EFR3B: variants seen among roughly 807,000 people sequenced by gnomAD.
EFR3B encodes EFR3 homolog B, also known as protein EFR3 homolog B.
Under a neutral mutation model 104.7 loss-of-function variants are expected in EFR3B, and 64 were observed. The ratio of observed to expected loss-of-function variants is 0.61; its 90% CI spans 0.50 to 0.75. EFR3B has a LOEUF of 0.75. Ranked by LOEUF, EFR3B falls within the 30% of genes least tolerant of loss-of-function variation. EFR3B has a pLI of 0.00. For synonymous variants in EFR3B, 385 were observed against 417.9 expected (o/e 0.92, Z 0.96); for missense variants, 750 against 1,078.5 (o/e 0.70, Z 4.27).
intron 1 of EFR3B, among the ~76,000 whole-genome samples, chr2:25,049,119 T>C (rs2149163066): frequency 6.6e-6 from 1 of 152,396 alleles, no homozygotes; most frequent in South Asian, 2.1e-4. Flanking sequence ...ATTATACTCC[T>C]ACTAGCAGTT....
At chr2:25,145,316 G>C (rs951876221) in intron 19 of EFR3B, 1 of 530,912 alleles carries the variant, frequency 1.9e-6, no homozygotes, top group African/African-American at 1.9e-5. Context: ...TCACACCTGT[G>C]ATCCCAACAT....
intron 20 of EFR3B, among the ~76,000 whole-genome samples, chr2:25,151,378 C>T (rs1033816703): frequency 1.7e-4 from 26 of 152,124 alleles, no homozygotes; most frequent in Admixed American, 1.2e-3. Flanking sequence ...GCCTCAGCCT[C>T]CCAAGTAACT....
intron 1 of EFR3B, among the ~76,000 whole-genome samples, chr2:25,053,421 C>T (rs1667934638): frequency 6.6e-6 from 1 of 152,100 alleles, no homozygotes; most frequent in Non-Finnish European, 1.5e-5. Flanking sequence ...ATGGGCATGC[C>T]TTTCAGAGAC....
At chr2:25,128,120 A>T in intron 5 of EFR3B, 63 bp from the exon 6 acceptor site, 1 of 1,537,556 alleles carries the variant, frequency 6.5e-7, no homozygotes. Flanking sequence ...TCTCTTAGCC[A>T]CCGAAGCTGG....
intron 15 of EFR3B, among the ~76,000 whole-genome samples, 153 bp from the exon 16 acceptor site, chr2:25,138,906 T>C (rs1009061646): frequency 2.2e-4 from 34 of 152,166 alleles, no homozygotes; most frequent in African/African-American, 6.5e-4. Context: ...GTGACTTTTT[T>C]CCCCCAGGAA....
At position 25,131,586 on chromosome 2, in the gene EFR3B, G is replaced by A; in HGVS notation, c.985+83G>A. 6.6e-7 allele frequency: 1 copy of A among 1,521,394 alleles called. No homozygotes were observed. Among genetic ancestry groups the A allele is most frequent in the Non-Finnish European group, 8.9e-7 (1 of 1,129,570 alleles). 94.2% of individuals were successfully genotyped at this position (1,521,394 alleles called of 1,614,324 possible). A position where few individuals can be genotyped will look rare whatever the true frequency, so the allele number is the denominator to read the frequency against. ...ACAGAGAGAGGCAAGGGACAACAGG[G>A]AGGGGTCGGAGTCCGTTTTCCTCGG... On this transcript the variant is annotated intron_variant, in intron 9 of 22. Transcript: ENST00000403714. This position sits in a 1 kb window ranked among gnomAD's most constrained non-coding sequence, Gnocchi z 7.6.
In EFR3B at chr2:25,149,703, G is replaced by A. The variant is rs1202273756; in HGVS notation, c.2152G>A (p.Ala718Thr). 1 of 1,551,556 alleles carries A rather than the reference G, an allele frequency of 6.4e-7. No homozygotes were observed. Among genetic ancestry groups the A allele is most frequent in the East Asian group, 2.4e-5 (1 of 40,914 alleles). The change falls in exon 20 of 23, where the codon GCC becomes ACC. Residue 718 changes from alanine (A) to threonine (T), a missense_variant. Transcript: ENST00000403714. The part of the protein sequence containing the change: ...NSPEKEERVP[A>T]EEITYETLKK... ...GTCCCTTCTCCTTCAGCGAGTGCCT[G>A]CCGAGGAGATCACCTATGAGACACT...
intron 1 of EFR3B, among the ~76,000 whole-genome samples, chr2:25,063,456 A>G (rs1188823322): frequency 1.3e-5 from 2 of 152,150 alleles, no homozygotes; most frequent in Non-Finnish European, 2.9e-5. Context: ...GATTAATCTC[A>G]GTGTGTTCTT....
intron 1 of EFR3B, among the ~76,000 whole-genome samples, chr2:25,046,802 C>T (rs1452129570): frequency 6.6e-6 from 1 of 152,150 alleles, no homozygotes; most frequent in Non-Finnish European, 1.5e-5. Context: ...CGCGCCCGGC[C>T]GAAGTACAAA....
chr2:25,136,959 A>C lies in EFR3B; in HGVS notation c.1560+361A>C, dbSNP rs561814273. Among the ~76,000 whole-genome samples the C allele has an allele frequency of 6.6e-6, 1 of 151,998 alleles. No homozygotes were observed. Among genetic ancestry groups the C allele is most frequent in the Non-Finnish European group, 1.5e-5 (1 of 67,966 alleles). On this transcript the variant is annotated intron_variant, in intron 14 of 22. Transcript: ENST00000403714. This position sits in a 1 kb window ranked among gnomAD's most constrained non-coding sequence, Gnocchi z 4.0. ...GAGCCTGCCTCCTCCCTCTGTAGCT[A>C]TGTCTCCTCCCTCTGTAGCTCTGTC...
At position 25,149,954 on chromosome 2, in the gene EFR3B, CCT is replaced by C. The variant is rs776068806; in HGVS notation, c.2191+213_2191+214del. Among the ~76,000 whole-genome samples, 9 of 152,184 alleles carry C rather than the reference CCT, an allele frequency of 5.9e-5. No homozygotes were observed. The East Asian group carries it at 1.3e-3, about 23-fold the overall frequency. ...TCCTGATGGGGGTCAGTAGTGAGGC[CCT>C]GTGTGGCCCACAGTGGGCAACGCTT... On this transcript the variant is annotated intron_variant, in intron 20 of 22. Coordinates refer to ENST00000403714, the MANE Select transcript of EFR3B (RefSeq NM_014971.2).
In EFR3B at chr2:25,136,583, C is replaced by T. The variant is rs1386587743; in HGVS notation, c.1545C>T (p.Thr515=). 13 of 1,551,166 alleles carry T rather than the reference C, an allele frequency of 8.4e-6. No homozygotes were observed. The South Asian group carries it at 9.5e-5, about 11-fold the overall frequency. ...LKVDKCSRQD[T]VFMKKHSQQL... ...TGGACAAGTGCTCTCGACAGGACAC[C>T]GTCTTCATGAAGAAGGTAAACAAGC... Residue 515 remains threonine (T), a synonymous_variant, in exon 14 of 23, where the codon ACC becomes ACT. Coordinates refer to ENST00000403714, the MANE Select transcript of EFR3B (RefSeq NM_014971.2). The surrounding 1 kb of genome is among the most constrained non-coding windows in gnomAD (Gnocchi z 4.0).
At chr2:25,098,979 C>A (rs2149188756) in intron 3 of EFR3B, among the ~76,000 whole-genome samples, 1 of 152,096 alleles carries the variant, frequency 6.6e-6, no homozygotes. Context: ...CCCAACCCCA[C>A]CCCTTCCTTT....
At chr2:25,106,962 A>T (rs1669580263) in intron 4 of EFR3B, among the ~76,000 whole-genome samples, 1 of 152,190 alleles carries the variant, frequency 6.6e-6, no homozygotes, top group African/African-American at 2.4e-5. Flanking sequence ...AAAGAAAGGG[A>T]AGGAGAAAAA....
intron 1 of EFR3B, among the ~76,000 whole-genome samples, chr2:25,052,177 C>T (rs1463513036): frequency 6.6e-6 from 1 of 151,830 alleles, no homozygotes; most frequent in Non-Finnish European, 1.5e-5. Context: ...GCCTGGGCAA[C>T]AAGAGTGAAA....
chr2:25,099,542 A>G (rs1255841709), intron 3 of EFR3B, among the ~76,000 whole-genome samples: 1 of 151,606 alleles, frequency 6.6e-6, no homozygotes, highest in Non-Finnish European at 1.5e-5. Context: ...AGATAAAAGA[A>G]ATAAACATTT....
At chr2:25,125,731 A>T (rs36027787) in intron 5 of EFR3B, among the ~76,000 whole-genome samples, 1 of 152,146 alleles carries the variant, frequency 6.6e-6, no homozygotes, top group Non-Finnish European at 1.5e-5. Flanking sequence ...GGAGGATCAC[A>T]AGGTCAGCAG....
rs1056920073 is a variant in EFR3B at position 25,155,750 on chromosome 2, A to G, written c.*1410A>G. ...ACATTTCCCATAACTCCTCCGAGCC[A>G]ACATAACCTACAGTAAGATGTGAGT... On this transcript the variant is annotated 3_prime_UTR_variant, in exon 23 of 23. Coordinates refer to ENST00000403714, the MANE Select transcript of EFR3B (RefSeq NM_014971.2). The G allele has an allele frequency of 2.0e-5, 3 of 152,218 alleles. No individual in the cohort carries two copies. The highest frequency in any genetic ancestry group is 1.5e-5 in the Non-Finnish European group (1 of 68,060). The allele number at this position is 152,218 out of a possible 1,614,324, so 9.4% of individuals were successfully genotyped here.
chr2:25,072,781 G>A (rs1255352181), intron 1 of EFR3B, among the ~76,000 whole-genome samples: 1 of 152,166 alleles, frequency 6.6e-6, no homozygotes, highest in Non-Finnish European at 1.5e-5. Flanking sequence ...GGCAGTCAGA[G>A]CTTCTTGCAG....
Sources: allele counts gnomAD v4.1 joint callset (sites outside exome capture counted in the v4.1 genomes callset), GRCh38; gene constraint gnomAD v4.1.1; non-coding constraint Gnocchi (gnomAD v3.1); transcripts MANE v1.5; gene names NCBI Gene and HGNC (gene_info 2026-07-23, HGNC 2026-07-21).